The following RNASEL variants were observed in gnomAD, a reference collection of about 807,000 sequenced individuals.
RNASEL encodes the protein 2-5A-dependent ribonuclease.
Under a neutral mutation model 50.9 loss-of-function variants are expected in RNASEL, and 36 were observed. The ratio of observed to expected loss-of-function variants is 0.71; its 90% confidence interval spans 0.54 to 0.93. The LOEUF is 0.93. Among genes scored for constraint, RNASEL ranks in the 40% least tolerant of loss-of-function variants. The probability of loss-of-function intolerance (pLI) is 0.00; values close to 1 mark genes in which losing one functional copy is unlikely to be tolerated. For missense variants in RNASEL, 860 were observed against 894.5 expected (o/e 0.96, Z 0.49); for synonymous variants, 335 against 335.6 (o/e 1.00, Z 0.02).
chr1:182,575,725 C>A (rs1277573970), intron 6 of RNASEL, 147 bp from the exon 7 acceptor site: 7 of 1,005,142 alleles, frequency 7.0e-6, no homozygotes, highest in East Asian at 2.6e-5. Flanking sequence ...CAAGACTCCT[C>A]CCCTGACTCT....
chr1:182,585,326 C>T lies in RNASEL; in HGVS notation c.1480+1G>A. 1 of 1,613,938 alleles carries T rather than the reference C, an allele frequency of 6.2e-7. No homozygotes were observed. The highest frequency in any genetic ancestry group is 1.3e-5 in the African/African-American group (1 of 75,066). On this transcript the variant is annotated splice_donor_variant, in intron 2 of 6. Transcript: ENST00000367559. LOFTEE classifies it high-confidence loss of function. ...GAGAGAATTGGGGATTGGGGACTCA[C>T]CTATTAAGATGTTTTGTGGTTGCAG... is the stretch of plus-strand genomic sequence containing the variant.
At chr1:182,584,873 G>A (rs1661561934) in intron 2 of RNASEL, among the ~76,000 whole-genome samples, 1 of 152,064 alleles carries the variant, frequency 6.6e-6, no homozygotes. Context: ...CCTTTGTTTG[G>A]CTTGGACTAG....
Position 182,581,269 on chromosome 1 carries a change from C to T in RNASEL, c.1861G>A (p.Gly621Arg). Residue 621 changes from glycine to arginine, a missense_variant, in exon 5 of 7, where the codon GGG becomes AGG. Gly to Arg is a moderately radical substitution (Grantham distance 125). Transcript: ENST00000367559. ...AAACTTTTGGAATGTTCAGAAGGCCCAGGTTGCAGTAGTCTGAGGATCTCA... is the reference window on the plus strand; with the variant it reads ...AAACTTTTGGAATGTTCAGAAGGCCTAGGTTGCAGTAGTCTGAGGATCTCA... ...ESEILRLLQP[G>R]PSEHSKSFDK... is the part of the protein sequence containing the mutation. 6.2e-7 allele frequency: 1 copy of T among 1,614,060 alleles called. No homozygotes were observed. The highest frequency in any genetic ancestry group is 8.5e-7 in the Non-Finnish European group (1 of 1,180,018).
In RNASEL at chr1:182,573,702, C is replaced by T. The variant is rs528376259; in HGVS notation, c.*1690G>A. 4 of 182,000 alleles carry T rather than the reference C, an allele frequency of 2.2e-5. No homozygotes were observed. The South Asian group carries it at 5.9e-4, about 27-fold the overall frequency. The allele number at this position is 182,000 out of a possible 1,614,324, so 11.3% of individuals were successfully genotyped here. A position where few individuals can be genotyped will look rare whatever the true frequency, so the allele number is the denominator to read the frequency against. ...ATTTTAATTGACATGTCCAGGTGCT[C>T]ATTACAAATCAGAGAACCAAAGCTT... On this transcript the variant is annotated 3_prime_UTR_variant, in exon 7 of 7. Coordinates refer to ENST00000367559, the MANE Select transcript of RNASEL (RefSeq NM_021133.4).
intron 5 of RNASEL, chr1:182,580,100 C>T (rs1661462909): frequency 7.8e-6 from 3 of 385,746 alleles, no homozygotes; most frequent in Admixed American, 3.1e-5. Context: ...GCCACATAAT[C>T]ATAATGATAC....
At chr1:182,582,420 T>C (rs955875755) in intron 3 of RNASEL, among the ~76,000 whole-genome samples, 162 bp from the exon 4 acceptor site, 8 of 152,228 alleles carry the variant, frequency 5.3e-5, no homozygotes, top group Non-Finnish European at 5.9e-5. Context: ...TACAGACCTC[T>C]TCAAGGCAGT....
chr1:182,582,327 G>A, intron 3 of RNASEL, 69 bp from the exon 4 acceptor site: 1 of 1,558,182 alleles, frequency 6.4e-7, no homozygotes, highest in South Asian at 1.1e-5. Context: ...AAGGAGTGGT[G>A]CACGCTATTA....
chr1:182,575,904 A>G (rs1324734243), intron 6 of RNASEL, among the ~76,000 whole-genome samples: 5 of 152,230 alleles, frequency 3.3e-5, no homozygotes, highest in Admixed American at 3.3e-4. Context: ...TTTGTCAGCA[A>G]AAGCTGATCT....
At chr1:182,577,708 C>T (rs923217311) in intron 5 of RNASEL, among the ~76,000 whole-genome samples, 5 of 151,986 alleles carry the variant, frequency 3.3e-5, no homozygotes, top group Admixed American at 2.6e-4. Flanking sequence ...AAGTTGGAGG[C>T]ATCACATTAT....
At chr1:182,579,094 G>C in intron 5 of RNASEL, 1 of 247,698 alleles carries the variant, frequency 4.0e-6, no homozygotes, top group Non-Finnish European at 6.4e-6. Flanking sequence ...GGGTTGGAGG[G>C]AGAGGGATGA....
intron 5 of RNASEL, among the ~76,000 whole-genome samples, chr1:182,577,251 G>A (rs916368508): frequency 6.6e-6 from 1 of 152,008 alleles, no homozygotes; most frequent in Non-Finnish European, 1.5e-5. Context: ...TTATAAGTAT[G>A]TTCAAATGTG....
rs1338066786 is a variant in RNASEL, at chr1:182,586,863, T to C, written c.-57A>G. ...CCTTTTCCTTGAGAAAATGCAAATT[T>C]ATCTCCTAGCACTTAATCAAAGAAG... On this transcript the variant is annotated 5_prime_UTR_variant, in exon 2 of 7. It adds an upstream start codon to the 5' untranslated region. Coordinates refer to ENST00000367559, the MANE Select transcript of RNASEL (RefSeq NM_021133.4). 12 of 1,607,738 alleles carry C rather than the reference T, an allele frequency of 7.5e-6. No homozygotes were observed. Among genetic ancestry groups the C allele is most frequent in the Non-Finnish European group, 1.0e-5 (12 of 1,176,574 alleles).
chr1:182,577,022 A>G (rs12409481), intron 5 of RNASEL: 13,538 of 143,300 alleles, frequency 0.094, 1,531 homozygotes, highest in East Asian at 0.64. Flanking sequence ...GATTACAGGC[A>G]CCCGCCACTA....
Position 182,577,211 on chromosome 1 carries a change from C to CTA in RNASEL, c.1906-824_1906-823dup, listed in dbSNP as rs1412192146. ...AATTAAAAAAATTTTAAAATTAAAA[C>CTA]TATATATATAATTGTGTCTGGATGT... On this transcript the variant is annotated intron_variant, in intron 5 of 6. Transcript: ENST00000367559. Among the ~76,000 whole-genome samples the CTA allele has an allele frequency of 3.3e-5, 5 of 151,970 alleles. No individual in the cohort carries two copies. In the South Asian group the frequency reaches 1.0e-3, roughly 32 times the overall value.
rs1661547113 is a variant in RNASEL at position 182,584,067 on chromosome 1, A to T, written c.1566+14T>A. 6.3e-7 allele frequency: 1 copy of T among 1,593,972 alleles called. No individual in the cohort carries two copies. The highest frequency in any genetic ancestry group is 8.6e-7 in the Non-Finnish European group (1 of 1,161,890). On this transcript the variant is annotated intron_variant, in intron 3 of 6. Coordinates refer to ENST00000367559, the MANE Select transcript of RNASEL (RefSeq NM_021133.4). ...AGCAGAAAGAAGAAAGGTAAACTGG[A>T]TTGTAGAATTTACCTCTAGATCTCT...
At chr1:182,583,766 A>G (rs1661542000) in intron 3 of RNASEL, among the ~76,000 whole-genome samples, 1 of 152,054 alleles carries the variant, frequency 6.6e-6, no homozygotes, top group Admixed American at 6.5e-5. Context: ...CAGCTTATGG[A>G]GTTTTGGACT....
rs187320101 is a variant in RNASEL at position 182,576,224 on chromosome 1, A to G, written c.2039+32T>C. 207 of 1,590,598 alleles carry G rather than the reference A, an allele frequency of 1.3e-4. No homozygotes were observed. In the African/African-American group the frequency reaches 2.4e-3, roughly 18 times the overall value. On this transcript the variant is annotated intron_variant, in intron 6 of 6. Coordinates refer to ENST00000367559, the MANE Select transcript of RNASEL (RefSeq NM_021133.4). Reference sequence around the variant, plus strand: ...ATTTTTTAAATTGTTCTCATTTCACATATAATTTGTAGGAATGAAAACAAT... The same window carrying G: ...ATTTTTTAAATTGTTCTCATTTCACGTATAATTTGTAGGAATGAAAACAAT...
In RNASEL at chr1:182,586,515, G is replaced by T. The variant is rs138740835; in HGVS notation, c.292C>A (p.Leu98Ile). Residue 98 changes from leucine to isoleucine, a missense_variant, in exon 2 of 7, where the codon CTC becomes ATC. Leu to Ile is a conservative substitution (Grantham distance 5, BLOSUM62 2). Coordinates refer to ENST00000367559, the MANE Select transcript of RNASEL (RefSeq NM_021133.4). Reference sequence around the variant, plus strand: ...TTCACGCTCCCCGCAATCGCTGCGAGGATAAAAGGCGTGGCCCCATTCTTC... The same window carrying T: ...TTCACGCTCCCCGCAATCGCTGCGATGATAAAAGGCGTGGCCCCATTCTTC... The part of the protein sequence containing the change: ...RKKNGATPFI[L>I]AAIAGSVKLL... The T allele has an allele frequency of 6.2e-6, 10 of 1,610,712 alleles. No homozygotes were observed. Among genetic ancestry groups the T allele is most frequent in the African/African-American group, 5.4e-5 (4 of 74,730 alleles).
intron 5 of RNASEL, chr1:182,576,625 C>G: frequency 4.7e-5 from 19 of 404,136 alleles, no homozygotes; most frequent in South Asian, 1.8e-4. Context: ...CCAGCACTTT[C>G]AGAGGCCGAA....
Sources: gnomAD v4.1 joint callset for allele counts (sites outside exome capture counted in the v4.1 genomes callset) on GRCh38, gnomAD v4.1.1 for gene constraint, MANE v1.5 for transcripts, NCBI Gene and HGNC (gene_info 2026-07-23, HGNC 2026-07-21) for gene names.